STS: variants seen among roughly 807,000 people sequenced by gnomAD.
STS encodes the protein steryl-sulfatase.
In STS, 7 loss-of-function variants were observed where a neutral mutation model predicts 26.8. That is an observed-to-expected ratio of 0.26 (90% CI 0.15 to 0.49). STS has a LOEUF of 0.49. Ranked by LOEUF, STS falls within the 20% of genes least tolerant of loss-of-function variation. STS has a pLI of 0.98. For missense variants in STS, 434 were observed against 465.6 expected (o/e 0.93, Z 0.63); for synonymous variants, 199 against 189.4 (o/e 1.05, Z -0.42).
chrX:7,289,681 TGAG>T (rs1169674611), intron 7 of STS, among the ~76,000 whole-genome samples: 1 of 111,395 alleles, frequency 9.0e-6, no homozygotes, highest in Non-Finnish European at 1.9e-5. Context: ...CCTTAAGAGA[TGAG>T]GTCTCGTTTT....
At chrX:7,246,300 C>T (rs1922871079) in intron 2 of STS, among the ~76,000 whole-genome samples, 1 of 102,493 alleles carries the variant, frequency 9.8e-6, no homozygotes, top group African/African-American at 3.6e-5. Context: ...CTCGCTCTGT[C>T]GCTCAGGCTG....
intron 2 of STS, among the ~76,000 whole-genome samples, chrX:7,242,214 G>A (rs181250115): frequency 3.3e-4 from 37 of 110,824 alleles, no homozygotes; most frequent in African/African-American, 1.1e-3. Flanking sequence ...CTTTTAGTTG[G>A]CTGACCACAT....
At chrX:7,261,243 G>A (rs1222773052) in intron 6 of STS, among the ~76,000 whole-genome samples, 1 of 111,152 alleles carries the variant, frequency 9.0e-6, no homozygotes, top group Non-Finnish European at 1.9e-5. Flanking sequence ...AAAGAGAGTT[G>A]GGAGGGTGAT....
intron 10 of STS, among the ~76,000 whole-genome samples, chrX:7,335,113 G>C (rs1212278795): frequency 8.9e-6 from 1 of 112,246 alleles, no homozygotes. Flanking sequence ...ATTCCTTTGG[G>C]TATATACCCA....
chrX:7,314,716 G>A (rs185122205), intron 8 of STS, among the ~76,000 whole-genome samples: 2 of 112,727 alleles, frequency 1.8e-5, no homozygotes, highest in African/African-American at 3.2e-5. Flanking sequence ...TTGTGATCCC[G>A]TAATGGGAGG....
At chrX:7,172,424 TAC>T (rs1273603764) in intron 1 of STS, among the ~76,000 whole-genome samples, 1 of 110,839 alleles carries the variant, frequency 9.0e-6, no homozygotes, top group African/African-American at 3.3e-5. Context: ...CACTTCTAAT[TAC>T]AGTCATTTTC....
intron 7 of STS, among the ~76,000 whole-genome samples, chrX:7,299,184 A>G (rs1202319774): frequency 1.0e-5 from 1 of 95,816 alleles, no homozygotes; most frequent in African/African-American, 3.9e-5. Flanking sequence ...TAAAGTATAT[A>G]AATATATAAA....
chrX:7,257,357 C>T lies in STS; in HGVS notation c.253C>T (p.Arg85Ter). 1 of 1,211,696 alleles carries T rather than the reference C, an allele frequency of 8.3e-7. No individual in the cohort carries two copies. The highest frequency in any genetic ancestry group is 1.1e-6 in the Non-Finnish European group (1 of 895,294). The change falls in exon 4 of 11, where the codon CGA becomes TGA. Residue 85 changes from arginine to a stop codon, truncating the protein, a stop_gained. Transcript: ENST00000674429. LOFTEE classifies it high-confidence loss of function. ...CTTCATGACTGGCCGGTACCCTGTC[C>T]GATCAGGTAACCTCCTATCTGCATC... ...AAFMTGRYPV[R>*]SGMASWSRTG...
chrX:7,159,271 G>A (rs181746432), intron 1 of STS, among the ~76,000 whole-genome samples: 77 of 111,347 alleles, frequency 6.9e-4, no homozygotes, highest in Non-Finnish European at 9.8e-4. Context: ...TTTCATCAGC[G>A]TTGATGGGAC....
intron 1 of STS, among the ~76,000 whole-genome samples, chrX:7,170,983 T>G (rs1933455680): frequency 9.0e-6 from 1 of 111,475 alleles, no homozygotes; most frequent in Admixed American, 9.5e-5. Context: ...GGCTGGGCAG[T>G]CTCTGCCCAT....
chrX:7,304,041 T>G, intron 7 of STS, among the ~76,000 whole-genome samples: 1 of 110,159 alleles, frequency 9.1e-6, no homozygotes, highest in Admixed American at 9.8e-5. Context: ...TCAGGATATA[T>G]CTCTACAAGA....
chrX:7,259,245 G>T lies in STS; in HGVS notation c.383-104G>T, dbSNP rs1169951925. 4 of 878,802 alleles carry T rather than the reference G, an allele frequency of 4.6e-6. No individual in the cohort carries two copies. The Admixed American group carries it at 6.9e-5, about 15-fold the overall frequency. The allele number at this position is 878,802 out of a possible 1,213,427, so 72.4% of individuals were successfully genotyped here. Reference sequence around the variant, plus strand: ...CTATGAGCGGGAAGGCTAGCTTCATGAAATAGTCAGAAAGAACCTCCTTTT... The same window carrying T: ...CTATGAGCGGGAAGGCTAGCTTCATTAAATAGTCAGAAAGAACCTCCTTTT... On this transcript the variant is annotated intron_variant, in intron 5 of 10. Coordinates refer to ENST00000674429, the MANE Select transcript of STS (RefSeq NM_001320752.2).
intron 8 of STS, among the ~76,000 whole-genome samples, chrX:7,321,460 C>T (rs1460990641): frequency 8.9e-6 from 1 of 111,800 alleles, no homozygotes; most frequent in Admixed American, 9.5e-5. Flanking sequence ...CAAATACATA[C>T]ATAGATAAAT....
intron 1 of STS, among the ~76,000 whole-genome samples, chrX:7,187,985 A>G (rs1207209292): frequency 8.9e-6 from 1 of 112,219 alleles, no homozygotes; most frequent in African/African-American, 3.2e-5. Context: ...AAAGATGCAT[A>G]CTTATTATCT....
At chrX:7,302,024 T>C (rs1925988976) in intron 7 of STS, among the ~76,000 whole-genome samples, 1 of 112,227 alleles carries the variant, frequency 8.9e-6, no homozygotes, top group South Asian at 3.7e-4. Flanking sequence ...TAAATATTTG[T>C]GTGTGGGTTT....
At chrX:7,317,325 T>A (rs1417122416) in intron 8 of STS, among the ~76,000 whole-genome samples, 2 of 111,381 alleles carry the variant, frequency 1.8e-5, no homozygotes, top group African/African-American at 6.5e-5. Flanking sequence ...TCTCCAACTT[T>A]CCTAAGTTTA....
chrX:7,229,199 C>T (rs1206832475), intron 2 of STS, among the ~76,000 whole-genome samples: 1 of 112,159 alleles, frequency 8.9e-6, no homozygotes, highest in Admixed American at 9.5e-5. Context: ...CATATTTTCG[C>T]CTAGAAAACA....
At chrX:7,182,170 A>G (rs1394780129) in intron 1 of STS, among the ~76,000 whole-genome samples, 1 of 111,920 alleles carries the variant, frequency 8.9e-6, no homozygotes, top group Non-Finnish European at 1.9e-5. Context: ...TATTGGCTTT[A>G]TCTATCAATC....
At chrX:7,320,087 TTA>T (rs1926944422) in intron 8 of STS, among the ~76,000 whole-genome samples, 1 of 94,350 alleles carries the variant, frequency 1.1e-5, no homozygotes, top group Admixed American at 1.3e-4. Context: ...TTATATATAG[TTA>T]TATATATTTT....
Sources: gnomAD v4.1 joint callset for allele counts (sites outside exome capture counted in the v4.1 genomes callset) on GRCh38, gnomAD v4.1.1 for gene constraint, MANE v1.5 for transcripts, NCBI Gene and HGNC (gene_info 2026-07-23, HGNC 2026-07-21) for gene names.